The following PHACTR1 variants were observed in gnomAD, a reference collection of about 807,000 sequenced individuals.
PHACTR1 encodes phosphatase and actin regulator 1, also known as RPEL repeat containing 1.
PHACTR1 carries 16 observed loss-of-function variants against 69.2 expected under a neutral mutation model. That is an observed-to-expected ratio of 0.23 (90% CI 0.16 to 0.35). The LOEUF (loss-of-function observed/expected upper bound fraction) is 0.35, where lower values mean the gene tolerates loss of function less well. Ranked by LOEUF, PHACTR1 falls within the 10% of genes least tolerant of loss-of-function variation. The probability of loss-of-function intolerance (pLI) is 1.00; values close to 1 mark genes in which losing one functional copy is unlikely to be tolerated. For missense variants in PHACTR1, 510 were observed against 734.7 expected (o/e 0.69, Z 3.54); for synonymous variants, 312 against 284.5 (o/e 1.10, Z -0.97).
rs183892384 is a variant in PHACTR1, at chr6:12,922,408, G to A, written c.251-130957G>A. On this transcript the variant is annotated intron_variant, in intron 4 of 14. Coordinates refer to ENST00000332995, the MANE Select transcript of PHACTR1 (RefSeq NM_030948.6). ...CTTTAGAGAACTGCATGCAGTGTAT[G>A]GTGCTGGAGCCCAGGGAAAGTAAAG... Among the ~76,000 whole-genome samples the A allele has an allele frequency of 1.8e-3, 278 of 152,236 alleles. 1 individual carries two copies. The highest frequency in any genetic ancestry group is 6.3e-3 in the African/African-American group (262 of 41,568).
At chr6:12,960,438 T>C (rs1479770456) in intron 4 of PHACTR1, among the ~76,000 whole-genome samples, 2 of 152,236 alleles carry the variant, frequency 1.3e-5, no homozygotes, top group Non-Finnish European at 2.9e-5. Flanking sequence ...AACACTTGTA[T>C]TTCTCTAGAT....
Position 13,245,672 on chromosome 6 carries a change from T to C in PHACTR1, c.1391+15479T>C, listed in dbSNP as rs1584201811. ...GCTCTTTGGTTTAATTAGGTGCCAT[T>C]TGTCAATTTTTTTTTTCGTTGCAAT... On this transcript the variant is annotated intron_variant, in intron 10 of 14. Coordinates refer to ENST00000332995, the MANE Select transcript of PHACTR1 (RefSeq NM_030948.6). This position sits in a 1 kb window ranked among gnomAD's most constrained non-coding sequence, Gnocchi z 4.1. 1.3e-5 allele frequency among the ~76,000 whole-genome samples: 2 copies of C among 152,190 alleles called. No homozygotes were observed. Among genetic ancestry groups the C allele is most frequent in the East Asian group, 3.8e-4 (2 of 5,202 alleles).
At chr6:13,053,908 T>C (rs751114813) in intron 5 of PHACTR1, among the ~76,000 whole-genome samples, 2 of 152,200 alleles carry the variant, frequency 1.3e-5, no homozygotes, top group Non-Finnish European at 2.9e-5. Flanking sequence ...AGAAAACAAG[T>C]TATATGGTTA....
intron 3 of PHACTR1, among the ~76,000 whole-genome samples, chr6:12,735,317 G>A (rs1764099899): frequency 1.3e-5 from 2 of 152,178 alleles, no homozygotes; most frequent in South Asian, 4.1e-4. Context: ...AACCTCAGAA[G>A]TGATATACTA....
intron 4 of PHACTR1, among the ~76,000 whole-genome samples, chr6:12,950,653 G>A (rs1030957540): frequency 9.9e-5 from 15 of 152,132 alleles, no homozygotes; most frequent in Non-Finnish European, 1.8e-4. Context: ...GTCCTTCTCC[G>A]TTTTATACAT....
chr6:12,867,759 A>G lies in PHACTR1; in HGVS notation c.250+117969A>G, dbSNP rs532016706. 9.2e-5 allele frequency among the ~76,000 whole-genome samples: 14 copies of G among 152,310 alleles called. No individual in the cohort carries two copies. The East Asian group carries it at 2.1e-3, about 23-fold the overall frequency. On this transcript the variant is annotated intron_variant, in intron 4 of 14. Transcript: ENST00000332995. ...TACATTGCAAGATGGTGAAATATCA[A>G]GAGGTATTTGTTGGGTTTTTTTCCT...
At chr6:13,006,833 T>G (rs748830963) in intron 4 of PHACTR1, among the ~76,000 whole-genome samples, 2 of 152,172 alleles carry the variant, frequency 1.3e-5, no homozygotes, top group Non-Finnish European at 2.9e-5. Flanking sequence ...ACTGCGTCAC[T>G]TCAGAACCCA....
chr6:12,890,159 G>A (rs190985202), intron 4 of PHACTR1, among the ~76,000 whole-genome samples: 50 of 152,238 alleles, frequency 3.3e-4, no homozygotes, highest in South Asian at 1.2e-3. Flanking sequence ...AACTGCGCAC[G>A]TGAGGGATCT....
At chr6:13,200,282 C>T (rs1417674878) in intron 7 of PHACTR1, among the ~76,000 whole-genome samples, 1 of 152,112 alleles carries the variant, frequency 6.6e-6, no homozygotes, top group East Asian at 1.9e-4. Flanking sequence ...ACAATCTCGG[C>T]TCACTGCAAC....
intron 4 of PHACTR1, among the ~76,000 whole-genome samples, chr6:12,956,706 G>A (rs1791940513): frequency 3.9e-5 from 6 of 152,110 alleles, no homozygotes; most frequent in Admixed American, 3.3e-4. Context: ...CACCCCTTTG[G>A]CATTTCACGG....
intron 10 of PHACTR1, among the ~76,000 whole-genome samples, chr6:13,271,388 T>C (rs1181749272): frequency 6.6e-6 from 1 of 152,168 alleles, no homozygotes; most frequent in Non-Finnish European, 1.5e-5. Context: ...TTGAAGCCCA[T>C]TCCCTATATA....
Position 13,285,525 on chromosome 6 carries a change from T to C in PHACTR1, c.1651-621T>C, listed in dbSNP as rs528298975. On this transcript the variant is annotated intron_variant, in intron 13 of 14. Transcript: ENST00000332995. ...CCCCTGCTCTCTCATGGCCTCTCTT[T>C]GCTGTCTGATTCCAGGCCCTGTGTC... is the stretch of plus-strand genomic sequence containing the variant. Among the ~76,000 whole-genome samples, 5 of 152,302 alleles carry C rather than the reference T, an allele frequency of 3.3e-5. No individual in the cohort carries two copies. The East Asian group carries it at 9.6e-4, about 29-fold the overall frequency.
chr6:12,731,814 C>T (rs1257472041), intron 3 of PHACTR1, among the ~76,000 whole-genome samples: 3 of 152,084 alleles, frequency 2.0e-5, no homozygotes, highest in Non-Finnish European at 4.4e-5. Flanking sequence ...CATGGAAATA[C>T]GAGCAAAGAC....
At chr6:13,148,288 C>T (rs1823752539) in intron 5 of PHACTR1, among the ~76,000 whole-genome samples, 1 of 150,652 alleles carries the variant, frequency 6.6e-6, no homozygotes, top group African/African-American at 2.4e-5. Context: ...CTAAGATTTG[C>T]CTATATCAAT....
intron 8 of PHACTR1, among the ~76,000 whole-genome samples, chr6:13,221,546 G>A (rs986786142): frequency 1.3e-5 from 2 of 152,170 alleles, no homozygotes; most frequent in African/African-American, 4.8e-5. Context: ...GTAGTCTGAT[G>A]GCCTGAATTC....
intron 5 of PHACTR1, among the ~76,000 whole-genome samples, chr6:13,086,524 A>G (rs1812337285): frequency 6.6e-6 from 1 of 152,002 alleles, no homozygotes; most frequent in Non-Finnish European, 1.5e-5. Context: ...CCCAGTAACC[A>G]GTGCTTTTTT....
intron 4 of PHACTR1, among the ~76,000 whole-genome samples, chr6:12,772,137 A>G (rs1769464630): frequency 6.6e-6 from 1 of 152,220 alleles, no homozygotes; most frequent in Non-Finnish European, 1.5e-5. Context: ...AGAGGGAGAC[A>G]GATGTCAAGA....
chr6:13,126,064 A>G, intron 5 of PHACTR1, among the ~76,000 whole-genome samples: 1 of 152,248 alleles, frequency 6.6e-6, no homozygotes, highest in South Asian at 2.1e-4. Context: ...ATAATATTTA[A>G]AAACATTTAT....
At chr6:13,231,222 A>G (rs1024446833) in intron 10 of PHACTR1, among the ~76,000 whole-genome samples, 6 of 140,430 alleles carry the variant, frequency 4.3e-5, no homozygotes, top group Admixed American at 7.0e-5. Context: ...AGGGAAAAGA[A>G]AGAAGGAAAG....
Sources: gnomAD v4.1 joint callset for allele counts (sites outside exome capture counted in the v4.1 genomes callset) on GRCh38, gnomAD v4.1.1 for gene constraint, Gnocchi (gnomAD v3.1) non-coding constraint, MANE v1.5 for transcripts, NCBI Gene and HGNC (gene_info 2026-07-23, HGNC 2026-07-21) for gene names.